HOOK3: variants seen among roughly 807,000 people sequenced by gnomAD.
HOOK3 encodes protein Hook homolog 3.
A neutral mutation model predicts 116.3 loss-of-function variants in HOOK3; 24 were observed. The observed-to-expected ratio is 0.21, with a 90% confidence interval of 0.15 to 0.29. The LOEUF (loss-of-function observed/expected upper bound fraction) is 0.29. Ranked by LOEUF, HOOK3 falls within the 10% of genes least tolerant of loss-of-function variation. The pLI is 1.00. For missense variants in HOOK3, 632 were observed against 830.2 expected (o/e 0.76, Z 2.93); for synonymous variants, 275 against 283.0 (o/e 0.97, Z 0.28).
intron 3 of HOOK3, among the ~76,000 whole-genome samples, chr8:42,929,201 A>G (rs1200628707): frequency 6.6e-6 from 1 of 152,228 alleles, no homozygotes; most frequent in Non-Finnish European, 1.5e-5. Context: ...AAGAAAGCAT[A>G]TTATATGCAT....
chr8:42,972,330 A>G (rs758821283), intron 11 of HOOK3, among the ~76,000 whole-genome samples: 13 of 152,288 alleles, frequency 8.5e-5, no homozygotes, highest in East Asian at 3.8e-4. Flanking sequence ...TTCCCAGACA[A>G]TGCAAGTAGT....
At chr8:42,927,880 C>T (rs1381473703) in intron 3 of HOOK3, among the ~76,000 whole-genome samples, 4 of 152,198 alleles carry the variant, frequency 2.6e-5, no homozygotes, top group Non-Finnish European at 1.5e-5. Context: ...GGCGTGGTGG[C>T]TTACGCCTGT....
At chr8:42,931,184 A>G (rs1807865303) in intron 4 of HOOK3, among the ~76,000 whole-genome samples, 1 of 152,186 alleles carries the variant, frequency 6.6e-6, no homozygotes, top group East Asian at 1.9e-4. Context: ...TGCTGTATGC[A>G]GTGTTCTTCC....
At chr8:42,979,880 A>G (rs962806731) in intron 13 of HOOK3, among the ~76,000 whole-genome samples, 3 of 152,056 alleles carry the variant, frequency 2.0e-5, no homozygotes, top group Admixed American at 6.5e-5. Flanking sequence ...GTTTGTGATT[A>G]TAACAGCATC....
At chr8:42,963,392 G>A (rs901925472) in intron 8 of HOOK3, among the ~76,000 whole-genome samples, 2 of 152,196 alleles carry the variant, frequency 1.3e-5, no homozygotes, top group Non-Finnish European at 2.9e-5. Context: ...GATTTGGGAT[G>A]CAAATCATTT....
intron 1 of HOOK3, among the ~76,000 whole-genome samples, chr8:42,902,844 G>C (rs747544771): frequency 1.3e-5 from 2 of 152,140 alleles, no homozygotes; most frequent in Non-Finnish European, 2.9e-5. Flanking sequence ...GGGCTTGTTC[G>C]TATCAGGCAT....
intron 2 of HOOK3, among the ~76,000 whole-genome samples, chr8:42,918,429 T>A (rs533886015): frequency 1.0e-3 from 159 of 152,330 alleles, no homozygotes; most frequent in East Asian, 1.9e-3. Flanking sequence ...CATTTTTTTT[T>A]AAATTTTTTT....
intron 4 of HOOK3, among the ~76,000 whole-genome samples, chr8:42,931,353 C>A (rs1351755776): frequency 6.6e-6 from 1 of 151,932 alleles, no homozygotes; most frequent in Non-Finnish European, 1.5e-5. Flanking sequence ...TCCCTTTAAT[C>A]CTGGCCATAT....
At chr8:42,975,862 C>T (rs1253119055) in intron 13 of HOOK3, among the ~76,000 whole-genome samples, 2 of 152,086 alleles carry the variant, frequency 1.3e-5, no homozygotes, top group African/African-American at 2.4e-5. Context: ...TGTGCCACCA[C>T]GCCCGGCTAA....
At chr8:42,972,876 G>A (rs1808750404) in intron 11 of HOOK3, among the ~76,000 whole-genome samples, 1 of 152,062 alleles carries the variant, frequency 6.6e-6, no homozygotes, top group Non-Finnish European at 1.5e-5. Context: ...GACACCTCAT[G>A]GTACCCAGAG....
chr8:42,975,333 C>G (rs758661448), intron 13 of HOOK3, among the ~76,000 whole-genome samples: 14 of 152,198 alleles, frequency 9.2e-5, no homozygotes, highest in Non-Finnish European at 2.1e-4. Flanking sequence ...TTAAAACTCC[C>G]GGCCTAGTCT....
At chr8:42,897,531 C>A (rs1221307938) in intron 1 of HOOK3, among the ~76,000 whole-genome samples, 1 of 152,232 alleles carries the variant, frequency 6.6e-6, no homozygotes, top group African/African-American at 2.4e-5. Context: ...CCTTTGTTGC[C>A]GCGTTCGCGG....
rs549951374 is a variant in HOOK3, at chr8:43,015,933, T to C, written c.2017-2425T>C. ...GGGTTTCACCATCTTGGCCAGGCTG[T>C]TCTTGAATTCCTGACCTCGTGATTC... is the stretch of plus-strand genomic sequence containing the variant. On this transcript the variant is annotated intron_variant, in intron 21 of 21. Transcript: ENST00000307602. 1.3e-4 allele frequency among the ~76,000 whole-genome samples: 19 copies of C among 150,894 alleles called. No individual in the cohort carries two copies. In the East Asian group the frequency reaches 2.6e-3, roughly 21 times the overall value.
intron 7 of HOOK3, 35 bp downstream of exon 7, chr8:42,957,191 G>C: frequency 2.3e-6 from 3 of 1,330,108 alleles, no homozygotes; most frequent in East Asian, 4.7e-5. Flanking sequence ...TTCATGAAAA[G>C]GTTGAAAAGG....
chr8:42,899,405 T>C lies in HOOK3; in HGVS notation c.57+2217T>C, dbSNP rs1031605707. Reference sequence around the variant, plus strand: ...CAGTGACAAAATTGGAGGGCAGTGTTCATGAAGATGTACAGTTCTAAAATT... The same window carrying C: ...CAGTGACAAAATTGGAGGGCAGTGTCCATGAAGATGTACAGTTCTAAAATT... On this transcript the variant is annotated intron_variant, in intron 1 of 21. Coordinates refer to ENST00000307602, the MANE Select transcript of HOOK3 (RefSeq NM_032410.4). 1.2e-4 allele frequency among the ~76,000 whole-genome samples: 18 copies of C among 152,328 alleles called. No individual in the cohort carries two copies. In the East Asian group the frequency reaches 3.5e-3, roughly 29 times the overall value.
chr8:43,006,113 C>T (rs1224402162), intron 17 of HOOK3, among the ~76,000 whole-genome samples: 29 of 151,412 alleles, frequency 1.9e-4, no homozygotes, highest in Admixed American at 5.9e-4. Context: ...CTCCGCCTCC[C>T]GGGTTCACGC....
chr8:43,008,657 A>ATTTTTT (rs1176623906), intron 18 of HOOK3, among the ~76,000 whole-genome samples: 13 of 143,802 alleles, frequency 9.0e-5, no homozygotes, highest in African/African-American at 3.1e-4. Context: ...TTTTATTTTT[A>ATTTTTT]TTTTTATTTT....
At chr8:42,925,002 C>CA (rs1465544033) in intron 2 of HOOK3, among the ~76,000 whole-genome samples, 1 of 151,520 alleles carries the variant, frequency 6.6e-6, no homozygotes, top group Non-Finnish European at 1.5e-5. Flanking sequence ...AAAACTATGT[C>CA]ATTGATTATG....
chr8:42,944,342 G>C (rs1274609221), intron 5 of HOOK3, among the ~76,000 whole-genome samples: 2 of 152,090 alleles, frequency 1.3e-5, no homozygotes, highest in African/African-American at 4.8e-5. Context: ...CTTGAACCTG[G>C]GAGGCAGAGG....
Sources: gnomAD v4.1 joint callset for allele counts (sites outside exome capture counted in the v4.1 genomes callset) on GRCh38, gnomAD v4.1.1 for gene constraint, MANE v1.5 for transcripts, NCBI Gene and HGNC (gene_info 2026-07-23, HGNC 2026-07-21) for gene names.